UBTD2: variants seen among roughly 807,000 people sequenced by gnomAD.
The protein encoded by UBTD2 is ubiquitin domain-containing protein 2.
Under a neutral mutation model 19.8 loss-of-function variants are expected in UBTD2, and 9 were observed. That is an observed-to-expected ratio of 0.46 (90% CI 0.27 to 0.79). The LOEUF (loss-of-function observed/expected upper bound fraction) is 0.79, where lower values mean the gene tolerates loss of function less well. UBTD2 is among the 30% of genes least tolerant of loss of function. The pLI, the probability that UBTD2 is intolerant of heterozygous loss-of-function variation, is 0.14. For missense variants in UBTD2, 250 were observed against 300.4 expected (o/e 0.83, Z 1.24); for synonymous variants, 98 against 103.9 (o/e 0.94, Z 0.35).
At chr5:172,282,042 T>C (rs1406900803) in intron 1 of UBTD2, among the ~76,000 whole-genome samples, 1 of 152,166 alleles carries the variant, frequency 6.6e-6, no homozygotes, top group African/African-American at 2.4e-5. Flanking sequence ...CTTAAATAAA[T>C]TAATCCACAT....
At chr5:172,232,743 G>T (rs1019679281) in intron 2 of UBTD2, among the ~76,000 whole-genome samples, 1 of 152,096 alleles carries the variant, frequency 6.6e-6, no homozygotes, top group Non-Finnish European at 1.5e-5. Flanking sequence ...AAGTAGCCAG[G>T]CATGGTGATG....
chr5:172,251,327 G>GAAAAAAAAAAAAAAAAAA (rs1554129191), intron 1 of UBTD2, among the ~76,000 whole-genome samples: 4 of 104,898 alleles, frequency 3.8e-5, no homozygotes, highest in African/African-American at 1.5e-4. Context: ...AAAAAAAAAA[G>GAAAAAAAAAAAAAAAAAA]AAAATAGCCA....
rs1214308760 is a variant in UBTD2 at position 172,244,295 on chromosome 5, G to GTTTGTTTTTT, written c.71-9938_71-9937insAAAAAACAAA. Among the ~76,000 whole-genome samples, 364 of 125,976 alleles carry GTTTGTTTTTT rather than the reference G, an allele frequency of 2.9e-3. 9 individuals are homozygous for GTTTGTTTTTT. Among genetic ancestry groups the GTTTGTTTTTT allele is most frequent in the East Asian group, 5.2e-3 (22 of 4,250 alleles). The allele number at this position is 125,976 out of a possible 152,430, so 82.6% of individuals were successfully genotyped here. The stretch of plus-strand genomic sequence containing the variant: ...CAAGACTGTTTCCCCTTTCCTCCCA[G>GTTTGTTTTTT]TTTTTTTTTTTTTTTTTTGAGACAG... On this transcript the variant is annotated intron_variant, in intron 1 of 2. Transcript: ENST00000393792.
intron 1 of UBTD2, among the ~76,000 whole-genome samples, chr5:172,253,967 G>T (rs772501146): frequency 6.6e-6 from 1 of 152,160 alleles, no homozygotes; most frequent in African/African-American, 2.4e-5. Context: ...TAAGGAGAGG[G>T]AGGATTAGAC....
At chr5:172,250,742 G>T (rs1754985228) in intron 1 of UBTD2, among the ~76,000 whole-genome samples, 1 of 151,768 alleles carries the variant, frequency 6.6e-6, no homozygotes. Context: ...CTTCCAGCCT[G>T]GACAACATGG....
intron 1 of UBTD2, among the ~76,000 whole-genome samples, chr5:172,244,719 CTGTTTTGTATTCTTTTTT>C (rs1431162697): frequency 1.3e-5 from 2 of 152,006 alleles, no homozygotes; most frequent in African/African-American, 4.8e-5. Context: ...GGGAAGAAAT[CTGTTTTGTATTCTTTTTT>C]TCTTTTTTGA....
chr5:172,244,294 A>AGTTTGTTT lies in UBTD2; in HGVS notation c.71-9937_71-9936insAAACAAAC, dbSNP rs1209520167. On this transcript the variant is annotated intron_variant, in intron 1 of 2. Transcript: ENST00000393792. Reference sequence around the variant, plus strand: ...GCAAGACTGTTTCCCCTTTCCTCCCAGTTTTTTTTTTTTTTTTTTGAGACA... The same window carrying AGTTTGTTT: ...GCAAGACTGTTTCCCCTTTCCTCCCAGTTTGTTTGTTTTTTTTTTTTTTTTTTGAGACA... Among the ~76,000 whole-genome samples the AGTTTGTTT allele has an allele frequency of 6.3e-4, 56 of 89,108 alleles. No individual in the cohort carries two copies. The East Asian group carries it at 0.018, about 28-fold the overall frequency. The allele number at this position is 89,108 out of a possible 152,430, so 58.5% of individuals were successfully genotyped here.
chr5:172,255,698 G>A (rs566072388), intron 1 of UBTD2, among the ~76,000 whole-genome samples: 5 of 152,246 alleles, frequency 3.3e-5, no homozygotes, highest in East Asian at 1.9e-4. Flanking sequence ...ACATGATGCC[G>A]GCGCCGCTCG....
Position 172,242,255 on chromosome 5 carries a change from T to C in UBTD2, c.71-7897A>G, listed in dbSNP as rs1306087041. 7.4e-6 allele frequency: 3 copies of C among 405,644 alleles called. No homozygotes were observed. In the South Asian group the frequency reaches 3.1e-4, roughly 42 times the overall value. The allele number at this position is 405,644 out of a possible 1,614,324, so 25.1% of individuals were successfully genotyped here. On this transcript the variant is annotated intron_variant, in intron 1 of 2. Coordinates refer to ENST00000393792, the MANE Select transcript of UBTD2 (RefSeq NM_152277.3). ...AATTACCCAGTCTCAGGTATTCCTT[T>C]ATGGCAAGGCAAACAGTCAGATTAA... is the stretch of plus-strand genomic sequence containing the variant.
At chr5:172,241,180 G>A (rs12521824) in intron 1 of UBTD2, among the ~76,000 whole-genome samples, 49,010 of 151,666 alleles carry the variant, frequency 0.32, 8,007 homozygotes, top group South Asian at 0.42. Context: ...TTGGGAGGCC[G>A]ACGTGAGTGG....
intron 1 of UBTD2, among the ~76,000 whole-genome samples, chr5:172,257,046 T>C (rs1394025674): frequency 6.6e-6 from 1 of 152,184 alleles, no homozygotes; most frequent in African/African-American, 2.4e-5. Flanking sequence ...GTGGGTAAAT[T>C]GAATGTCACT....
intron 1 of UBTD2, among the ~76,000 whole-genome samples, chr5:172,241,682 C>A (rs1004474918): frequency 1.3e-5 from 2 of 151,990 alleles, no homozygotes; most frequent in African/African-American, 4.8e-5. Context: ...TTTTCTGACA[C>A]TTTTTCTCAC....
intron 1 of UBTD2, chr5:172,254,527 A>G: frequency 1.7e-6 from 1 of 583,952 alleles, no homozygotes; most frequent in South Asian, 2.0e-5. Flanking sequence ...GTCCATGTGC[A>G]TCCTTCCCAT....
chr5:172,254,116 TTGAGAC>T (rs1755089767), intron 1 of UBTD2, among the ~76,000 whole-genome samples: 1 of 152,188 alleles, frequency 6.6e-6, no homozygotes, highest in African/African-American at 2.4e-5. Context: ...TCTTTTTCTT[TTGAGAC>T]AGAGTCTCGC....
intron 2 of UBTD2, among the ~76,000 whole-genome samples, chr5:172,217,405 C>G (rs11959293): frequency 7.2e-6 from 1 of 138,134 alleles, no homozygotes; most frequent in African/African-American, 2.8e-5. Context: ...GGCGAAAGTG[C>G]GAGACTCTGT....
In UBTD2 at chr5:172,211,840, A is replaced by G; in HGVS notation, c.695T>C (p.Val232Ala). The change falls in exon 3 of 3, where the codon GTG (valine) becomes GCG (alanine). Residue 232 changes from valine to alanine, a missense_variant. Physicochemically the swap from Val to Ala is moderately conservative, Grantham distance 64. Coordinates refer to ENST00000393792, the MANE Select transcript of UBTD2 (RefSeq NM_152277.3). ...VSQPVQNPTP[V>A]EN ...CCAACAGGGCTCAGTTCAGTTCTCC[A>G]CTGGTGTTGGGTTCTGCACAGGTTG... 1 of 1,608,828 alleles carries G rather than the reference A, an allele frequency of 6.2e-7. No homozygotes were observed. The highest frequency in any genetic ancestry group is 8.5e-7 in the Non-Finnish European group (1 of 1,176,218).
At chr5:172,265,536 AG>A (rs1238616179) in intron 1 of UBTD2, among the ~76,000 whole-genome samples, 2 of 152,126 alleles carry the variant, frequency 1.3e-5, no homozygotes, top group Non-Finnish European at 2.9e-5. Context: ...TCACTGTGTT[AG>A]CCAGGATGGT....
chr5:172,226,152 A>G (rs1382139983), intron 2 of UBTD2, among the ~76,000 whole-genome samples: 1 of 152,126 alleles, frequency 6.6e-6, no homozygotes, highest in Non-Finnish European at 1.5e-5. Context: ...ATGCCCTGCT[A>G]TGGCAAAGGA....
At chr5:172,236,970 G>A (rs1772023714) in intron 1 of UBTD2, among the ~76,000 whole-genome samples, 1 of 152,186 alleles carries the variant, frequency 6.6e-6, no homozygotes, top group African/African-American at 2.4e-5. Flanking sequence ...CAAATGTGAG[G>A]TAGGTTCATT....
Sources: allele counts gnomAD v4.1 joint callset (sites outside exome capture counted in the v4.1 genomes callset), GRCh38; gene constraint gnomAD v4.1.1; transcripts MANE v1.5; gene names NCBI Gene and HGNC (gene_info 2026-07-23, HGNC 2026-07-21).